Variants in YY1 observed in about 807,000 individuals in gnomAD.
YY1 encodes YY1 transcription factor, also known as transcriptional repressor protein YY1.
Under a neutral mutation model 35.6 loss-of-function variants are expected in YY1, and 2 were observed. The observed-to-expected ratio is 0.06, with a 90% CI of 0.02 to 0.18. The LOEUF is 0.18. Ranked by LOEUF, YY1 falls within the 10% of genes least tolerant of loss-of-function variation. The probability of loss-of-function intolerance (pLI) is 1.00; values close to 1 mark genes in which losing one functional copy is unlikely to be tolerated. For synonymous variants in YY1, 268 were observed against 238.9 expected, an observed-to-expected ratio of 1.12 and a Z score of -1.12; for missense variants, 322 against 573.4, an observed-to-expected ratio of 0.56 and a Z score of 4.48.
intron 2 of YY1, among the ~76,000 whole-genome samples, chr14:100,269,549 TG>T (rs1891203427): frequency 6.6e-6 from 1 of 152,224 alleles, no homozygotes; most frequent in Non-Finnish European, 1.5e-5. Flanking sequence ...ATGTTCTCAG[TG>T]GTAGTATATG....
Position 100,276,362 on chromosome 14 carries a change from T to TA in YY1, c.904-126dup. 1 of 1,260,596 alleles carries TA rather than the reference T, an allele frequency of 7.9e-7. No individual in the cohort carries two copies. The highest frequency in any genetic ancestry group is 1.1e-6 in the Non-Finnish European group (1 of 882,344). 78.1% of individuals were successfully genotyped at this position (1,260,596 alleles called of 1,614,324 possible). A position where few individuals can be genotyped will look rare whatever the true frequency, so the allele number is the denominator to read the frequency against. ...TGATATTAATGTTCTACCGTAATAC[T>TA]AAGTAAAATTAAAATGGGGGGTTGG... On this transcript the variant is annotated intron_variant, in intron 3 of 4. Coordinates refer to ENST00000262238, the MANE Select transcript of YY1 (RefSeq NM_003403.5). This position sits in a 1 kb window ranked among gnomAD's most constrained non-coding sequence, Gnocchi z 4.1.
Position 100,277,247 on chromosome 14 carries a change from T to C in YY1, c.1063-171T>C, listed in dbSNP as rs1440220763. On this transcript the variant is annotated intron_variant, in intron 4 of 4. Transcript: ENST00000262238. The surrounding 1 kb of genome is among the most constrained non-coding windows in gnomAD (Gnocchi z 5.6). The stretch of plus-strand genomic sequence containing the variant: ...AGGGCTCTCCTTGGGTTTTCGGGGT[T>C]GTCCAACCTGCCTGCTGATTCTAGA... 3.6e-6 allele frequency: 3 copies of C among 824,342 alleles called. No individual in the cohort carries two copies. The East Asian group carries it at 8.0e-5, about 22-fold the overall frequency. The allele number at this position is 824,342 out of a possible 1,614,324, so 51.1% of individuals were successfully genotyped here.
Position 100,267,611 on chromosome 14 carries a change from C to G in YY1, c.842+5145C>G, listed in dbSNP as rs565915014. On this transcript the variant is annotated intron_variant, in intron 2 of 4. Coordinates refer to ENST00000262238, the MANE Select transcript of YY1 (RefSeq NM_003403.5). ...TGATCTCAGCTCACTGCAGCCTCTG[C>G]CTCCTGGGTTCAAGCAATTCTTCTG... Among the ~76,000 whole-genome samples, 46 of 152,106 alleles carry G rather than the reference C, an allele frequency of 3.0e-4. 1 individual carries two copies. In the South Asian group the frequency reaches 8.9e-3, roughly 30 times the overall value.
At chr14:100,270,048 G>C (rs774721939) in intron 2 of YY1, among the ~76,000 whole-genome samples, 1 of 151,142 alleles carries the variant, frequency 6.6e-6, no homozygotes, top group African/African-American at 2.4e-5. Context: ...GGATCACGAG[G>C]TCAGGAGATC....
rs773185836 is a variant in YY1, at chr14:100,276,600, A to C, written c.1014A>C (p.Ser338=). ...GTGGCAAAGCTTTTGTTGAGAGTTC[A>C]AAACTAAAACGACACCAACTGGTTC... ...AECGKAFVES[S]KLKRHQLVHT... is the part of the protein sequence containing the mutation. Residue 338 remains serine (S), a synonymous_variant, in exon 4 of 5, where the codon TCA becomes TCC. Coordinates refer to ENST00000262238, the MANE Select transcript of YY1 (RefSeq NM_003403.5). This position sits in a 1 kb window ranked among gnomAD's most constrained non-coding sequence, Gnocchi z 4.1. 3 of 1,614,238 alleles carry C rather than the reference A, an allele frequency of 1.9e-6. No homozygotes were observed. Among genetic ancestry groups the C allele is most frequent in the Non-Finnish European group, 2.5e-6 (3 of 1,180,040 alleles).
chr14:100,253,122 C>T (rs1328972140), intron 1 of YY1, among the ~76,000 whole-genome samples: 1 of 152,176 alleles, frequency 6.6e-6, no homozygotes, highest in Non-Finnish European at 1.5e-5. Context: ...AGATCCTGTC[C>T]TCAAGGGAAA....
intron 1 of YY1, among the ~76,000 whole-genome samples, chr14:100,260,941 A>ATGC (rs925674228): frequency 6.6e-6 from 1 of 151,114 alleles, no homozygotes; most frequent in African/African-American, 2.4e-5. Context: ...GACTACAGGC[A>ATGC]TGCACCCCAT....
At chr14:100,243,606 A>G (rs1024408550) in intron 1 of YY1, among the ~76,000 whole-genome samples, 3 of 151,988 alleles carry the variant, frequency 2.0e-5, no homozygotes, top group African/African-American at 7.3e-5. Flanking sequence ...GAACCTTGGC[A>G]ATATAGTGAG....
intron 1 of YY1, among the ~76,000 whole-genome samples, chr14:100,245,525 G>T (rs1890818943): frequency 6.6e-6 from 1 of 152,076 alleles, no homozygotes. Context: ...AAACATTTCA[G>T]TGTTGATAGA....
rs1400488189 is a variant in YY1 at position 100,278,662 on chromosome 14, C to G, written c.*1062C>G. ...TTTTAATACTTCCTACATGTCCTGACTTCTGAAAGAGAGTAGGTAACAGGC... is the reference window on the plus strand; with the variant it reads ...TTTTAATACTTCCTACATGTCCTGAGTTCTGAAAGAGAGTAGGTAACAGGC... On this transcript the variant is annotated 3_prime_UTR_variant, in exon 5 of 5. Coordinates refer to ENST00000262238, the MANE Select transcript of YY1 (RefSeq NM_003403.5). The G allele has an allele frequency of 6.6e-6, 1 of 152,244 alleles. No individual in the cohort carries two copies. The highest frequency in any genetic ancestry group is 1.5e-5 in the Non-Finnish European group (1 of 68,046). The allele number at this position is 152,244 out of a possible 1,614,324, so 9.4% of individuals were successfully genotyped here.
At chr14:100,260,368 A>G (rs1021988775) in intron 1 of YY1, among the ~76,000 whole-genome samples, 32 of 151,206 alleles carry the variant, frequency 2.1e-4, no homozygotes, top group Admixed American at 1.5e-3. Flanking sequence ...AAAGGGGATC[A>G]ATAGGATTTG....
chr14:100,254,900 G>A (rs1481357050), intron 1 of YY1, among the ~76,000 whole-genome samples: 6 of 134,620 alleles, frequency 4.5e-5, no homozygotes, highest in South Asian at 4.8e-4. Flanking sequence ...AGCCTCCCAA[G>A]TTAGCTGGGA....
In YY1 at chr14:100,277,355, T is replaced by C. The variant is rs1353993956; in HGVS notation, c.1063-63T>C. 1 of 1,589,532 alleles carries C rather than the reference T, an allele frequency of 6.3e-7. No individual in the cohort carries two copies. The highest frequency in any genetic ancestry group is 1.1e-5 in the South Asian group (1 of 90,474). Reference sequence around the variant, plus strand: ...GCTGTTCTCTAGCAAAGCAGTGAGCTCCTGACTCCCAGGGTCTGGTCAGAG... The same window carrying C: ...GCTGTTCTCTAGCAAAGCAGTGAGCCCCTGACTCCCAGGGTCTGGTCAGAG... On this transcript the variant is annotated intron_variant, in intron 4 of 4. Coordinates refer to ENST00000262238, the MANE Select transcript of YY1 (RefSeq NM_003403.5). This position sits in a 1 kb window ranked among gnomAD's most constrained non-coding sequence, Gnocchi z 5.6.
intron 2 of YY1, among the ~76,000 whole-genome samples, chr14:100,263,017 C>T (rs1421017012): frequency 6.6e-6 from 1 of 152,196 alleles, no homozygotes; most frequent in Non-Finnish European, 1.5e-5. Flanking sequence ...AAGCGATTCT[C>T]CTGCCTCAGC....
chr14:100,269,170 A>G (rs1378954388), intron 2 of YY1, among the ~76,000 whole-genome samples: 2 of 152,190 alleles, frequency 1.3e-5, no homozygotes, highest in African/African-American at 4.8e-5. Flanking sequence ...TGCTTTCTCC[A>G]GTTTCTCAGT....
intron 1 of YY1, among the ~76,000 whole-genome samples, chr14:100,250,001 G>A (rs775985000): frequency 1.8e-4 from 27 of 152,040 alleles, no homozygotes; most frequent in Admixed American, 5.2e-4. Context: ...TCGAACTCCC[G>A]ACCTCAGGTG....
chr14:100,268,123 C>CA (rs1891181523), intron 2 of YY1, among the ~76,000 whole-genome samples: 1 of 152,244 alleles, frequency 6.6e-6, no homozygotes, highest in African/African-American at 2.4e-5. Context: ...CCAGCACTCA[C>CA]AGTGGCATTA....
intron 1 of YY1, 38 bp from the exon 2 acceptor site, chr14:100,262,266 A>G (rs758371796): frequency 4.3e-6 from 7 of 1,610,800 alleles, no homozygotes; most frequent in African/African-American, 2.7e-5. Context: ...TTTAAAATCT[A>G]TTTACTCAGC....
rs1440375507 is a variant in YY1, at chr14:100,282,377, G to T, written c.*4777G>T. The T allele has an allele frequency of 1.3e-5, 2 of 152,124 alleles. No individual in the cohort carries two copies. Among genetic ancestry groups the T allele is most frequent in the Non-Finnish European group, 2.9e-5 (2 of 68,058 alleles). The allele number at this position is 152,124 out of a possible 1,614,324, so 9.4% of individuals were successfully genotyped here. ...TGTTCTGTCTGCTGCTCTCTCTGGGGGCCGCACAATGTCCGCACACATCAC... is the reference window on the plus strand; with the variant it reads ...TGTTCTGTCTGCTGCTCTCTCTGGGTGCCGCACAATGTCCGCACACATCAC... On this transcript the variant is annotated 3_prime_UTR_variant, in exon 5 of 5. Transcript: ENST00000262238.
Sources: allele counts gnomAD v4.1 joint callset (sites outside exome capture counted in the v4.1 genomes callset), GRCh38; gene constraint gnomAD v4.1.1; non-coding constraint Gnocchi (gnomAD v3.1); transcripts MANE v1.5; gene names NCBI Gene and HGNC (gene_info 2026-07-23, HGNC 2026-07-21).